Variants in PCDH7 observed in about 807,000 individuals in gnomAD.
PCDH7 encodes the protein protocadherin 7.
A neutral mutation model predicts 58.9 loss-of-function variants in PCDH7; 17 were observed. That is an observed-to-expected ratio of 0.29 (90% confidence interval 0.20 to 0.43). PCDH7 has a LOEUF of 0.43. PCDH7 is among the 20% of genes least tolerant of loss of function. The probability of loss-of-function intolerance (pLI) is 1.00; values close to 1 mark genes in which losing one functional copy is unlikely to be tolerated. For synonymous variants in PCDH7, 664 were observed against 616.4 expected (o/e 1.08, Z -1.14); for missense variants, 1,274 against 1,441.0 (o/e 0.88, Z 1.88).
chr4:30,736,539 T>A (rs58265096), downstream of PCDH7, among the ~76,000 whole-genome samples: 63,916 of 138,256 alleles, frequency 0.46, 14,458 homozygotes, highest in Middle Eastern at 0.54. Context: ...TCATTTATTT[T>A]TTTTTTTTTT....
chr4:30,760,322 C>T (rs772800417), intron 1 of PCDH7, among the ~76,000 whole-genome samples: 1 of 152,168 alleles, frequency 6.6e-6, no homozygotes, highest in African/African-American at 2.4e-5. Flanking sequence ...CCTAGCCCTT[C>T]AAGAGGTCAC....
intron 3 of PCDH7, among the ~76,000 whole-genome samples, chr4:30,963,505 CA>C (rs1429384809): frequency 1.3e-5 from 2 of 152,114 alleles, no homozygotes; most frequent in Non-Finnish European, 2.9e-5. Flanking sequence ...TTCAATACTA[CA>C]GAATACCTCC....
At chr4:31,084,579 AG>A (rs1712072148) in intron 3 of PCDH7, among the ~76,000 whole-genome samples, 1 of 147,550 alleles carries the variant, frequency 6.8e-6, no homozygotes, top group South Asian at 2.2e-4. Flanking sequence ...TGAGGGGCTC[AG>A]GGGGCTTATA....
At chr4:30,930,519 C>T (rs1488703828) in intron 2 of PCDH7, among the ~76,000 whole-genome samples, 1 of 152,096 alleles carries the variant, frequency 6.6e-6, no homozygotes, top group African/African-American at 2.4e-5. Flanking sequence ...GATCAGACTA[C>T]GATTTAAGTA....
intron 2 of PCDH7, among the ~76,000 whole-genome samples, chr4:30,936,504 T>C (rs185233795): frequency 8.8e-4 from 134 of 152,250 alleles, no homozygotes; most frequent in African/African-American, 3.1e-3. Flanking sequence ...AGCACTGATT[T>C]ATTGCGTAGT....
At position 31,126,231 on chromosome 4, in the gene PCDH7, C is replaced by T. The variant is rs180894885; in HGVS notation, c.*8-16242C>T. On this transcript the variant is annotated intron_variant, in intron 3 of 3. Coordinates refer to the PCDH7 transcript ENST00000509759. ...CTCTGCCTCCTGGGTTCAAGAGATT[C>T]TCATGCCCCTGCTGCCTGGGTTCAA... 5.8e-3 allele frequency among the ~76,000 whole-genome samples: 867 copies of T among 150,034 alleles called. 8 individuals are homozygous for T. The highest frequency in any genetic ancestry group is 0.02 in the African/African-American group (832 of 40,764).
chr4:30,783,867 G>A (rs1577788255), intron 1 of PCDH7, among the ~76,000 whole-genome samples: 2 of 152,124 alleles, frequency 1.3e-5, no homozygotes, highest in East Asian at 3.9e-4. Context: ...TGAAATGGAA[G>A]CTGAGTGAGA....
chr4:30,785,259 G>A (rs750961251), intron 1 of PCDH7, among the ~76,000 whole-genome samples: 3 of 151,948 alleles, frequency 2.0e-5, no homozygotes, highest in East Asian at 1.9e-4. Context: ...AGTAAATAAC[G>A]CACGATATCA....
At chr4:30,853,649 T>A (rs1179838482) in intron 1 of PCDH7, among the ~76,000 whole-genome samples, 2 of 152,192 alleles carry the variant, frequency 1.3e-5, no homozygotes, top group African/African-American at 4.8e-5. Context: ...CATTTGAAGC[T>A]ATTTGTTCTC....
At chr4:30,835,013 C>G (rs1055434890) in intron 1 of PCDH7, among the ~76,000 whole-genome samples, 3 of 151,346 alleles carry the variant, frequency 2.0e-5, no homozygotes, top group Non-Finnish European at 4.4e-5. Context: ...AATAGGAGAG[C>G]CATATATAAT....
chr4:30,726,363 G>T (rs147107285), intron 1 of PCDH7, among the ~76,000 whole-genome samples: 27 of 152,090 alleles, frequency 1.8e-4, no homozygotes, highest in Middle Eastern at 3.4e-3. Context: ...TAGCATTTGC[G>T]TTCTAAATTG....
intron 3 of PCDH7, among the ~76,000 whole-genome samples, chr4:30,997,009 G>A (rs1024728001): frequency 6.6e-6 from 1 of 151,908 alleles, no homozygotes; most frequent in African/African-American, 2.4e-5. Flanking sequence ...TAATTGCCAA[G>A]AGGTATAACT....
intron 3 of PCDH7, among the ~76,000 whole-genome samples, chr4:31,125,713 T>C (rs1283643567): frequency 6.6e-6 from 1 of 152,234 alleles, no homozygotes; most frequent in African/African-American, 2.4e-5. Context: ...GAACAACTGA[T>C]ACTCACAGTG....
chr4:30,721,207 G>A lies in PCDH7; in HGVS notation c.-216G>A. ...TATGAAACAATAACTTTCGGAAGAA[G>A]CAGGAGGAAAAAAAGAAGCATCTAT... On this transcript the variant is annotated 5_prime_UTR_variant, in exon 1 of 2. Coordinates refer to ENST00000361762, the Ensembl canonical transcript of PCDH7. This position sits in a 1 kb window ranked among gnomAD's most constrained non-coding sequence, Gnocchi z 6.7. 2 of 542,708 alleles carry A rather than the reference G, an allele frequency of 3.7e-6. No homozygotes were observed. The highest frequency in any genetic ancestry group is 6.5e-6 in the Non-Finnish European group (2 of 309,810). 33.6% of individuals were successfully genotyped at this position (542,708 alleles called of 1,614,324 possible).
At chr4:30,729,037 G>A (rs1715070125) in intron 1 of PCDH7, among the ~76,000 whole-genome samples, 1 of 151,506 alleles carries the variant, frequency 6.6e-6, no homozygotes, top group South Asian at 2.1e-4. Flanking sequence ...GAAATCACTA[G>A]CATCATCACA....
At chr4:30,748,625 C>T (rs996163751) in intron 1 of PCDH7, among the ~76,000 whole-genome samples, 1 of 152,164 alleles carries the variant, frequency 6.6e-6, no homozygotes, top group Admixed American at 6.5e-5. Context: ...GCCCTACTAC[C>T]TAATACTATT....
downstream of PCDH7, among the ~76,000 whole-genome samples, chr4:30,733,816 A>C (rs1715865914): frequency 6.6e-6 from 1 of 152,216 alleles, no homozygotes; most frequent in African/African-American, 2.4e-5. Flanking sequence ...GAGTACTGAA[A>C]ACATTTGAGG....
intron 3 of PCDH7, among the ~76,000 whole-genome samples, chr4:30,957,398 A>C (rs6819579): frequency 4.6e-5 from 7 of 152,128 alleles, no homozygotes; most frequent in Non-Finnish European, 5.9e-5. Flanking sequence ...TTAGCTGAGT[A>C]TAATAGCAAC....
intron 1 of PCDH7, among the ~76,000 whole-genome samples, chr4:30,841,307 T>C (rs922238971): frequency 6.6e-6 from 1 of 151,982 alleles, no homozygotes; most frequent in Non-Finnish European, 1.5e-5. Context: ...TTTCCGGAGG[T>C]TTTTATAGGG....
Sources: allele counts gnomAD v4.1 joint callset (sites outside exome capture counted in the v4.1 genomes callset), GRCh38; gene constraint gnomAD v4.1.1; non-coding constraint Gnocchi (gnomAD v3.1); transcripts MANE v1.5; gene names NCBI Gene and HGNC (gene_info 2026-07-23, HGNC 2026-07-21).